Variants in DACH2 observed in about 807,000 individuals in gnomAD.
DACH2 encodes dachshund homolog 2.
In DACH2, 17 loss-of-function variants were observed where a neutral mutation model predicts 35.8. The ratio of observed to expected loss-of-function variants is 0.48; its 90% CI spans 0.33 to 0.71. The LOEUF is 0.71. Among genes scored for constraint, DACH2 ranks in the 30% least tolerant of loss-of-function variants. The pLI, the probability that DACH2 is intolerant of heterozygous loss-of-function variation, is 0.02. For synonymous variants in DACH2, 195 were observed against 177.3 expected (o/e 1.10, Z -0.79); for missense variants, 469 against 472.7 (o/e 0.99, Z 0.07).
chrX:86,158,832 T>A (rs749000337), intron 1 of DACH2, among the ~76,000 whole-genome samples: 1 of 110,029 alleles, frequency 9.1e-6, no homozygotes, highest in Non-Finnish European at 1.9e-5. Context: ...AACATTAGAC[T>A]TTTTTCAGTC....
intron 1 of DACH2, among the ~76,000 whole-genome samples, chrX:86,168,932 C>T (rs776497582): frequency 9.0e-6 from 1 of 111,590 alleles, no homozygotes; most frequent in Admixed American, 9.5e-5. Flanking sequence ...GTAGTTTACA[C>T]ACCACATTTA....
chrX:86,724,838 G>A (rs928656275), intron 6 of DACH2, among the ~76,000 whole-genome samples: 5 of 110,353 alleles, frequency 4.5e-5, no homozygotes, highest in Admixed American at 1.9e-4. Flanking sequence ...AAGTTTGGTT[G>A]CTTTATGTAC....
At chrX:86,531,971 T>C (rs912737422) in intron 3 of DACH2, among the ~76,000 whole-genome samples, 1 of 112,842 alleles carries the variant, frequency 8.9e-6, no homozygotes, top group Non-Finnish European at 1.9e-5. Context: ...AGACATGGAG[T>C]CAAAGGAGAA....
rs771802786 is a variant in DACH2 at position 86,514,330 on chromosome X, T to C, written c.579T>C (p.Asn193=). The change falls in exon 3 of 12, where the codon AAT becomes AAC. Residue 193 remains asparagine (N), a synonymous_variant. Transcript: ENST00000373125. ...PKRSLGVLQE[N]ARLLTHAVPG... Reference sequence around the variant, plus strand: ...GTTCTTTGGGAGTGTTGCAGGAAAATGCCCGCCTTCTGACCCATGCAGTCC... The same window carrying C: ...GTTCTTTGGGAGTGTTGCAGGAAAACGCCCGCCTTCTGACCCATGCAGTCC... 5.8e-6 allele frequency: 7 copies of C among 1,211,254 alleles called. No homozygotes were observed. In the Admixed American group the frequency reaches 1.5e-4, roughly 26 times the overall value.
chrX:86,532,144 T>A (rs1377608837), intron 3 of DACH2, among the ~76,000 whole-genome samples: 1 of 112,476 alleles, frequency 8.9e-6, no homozygotes, highest in Non-Finnish European at 1.9e-5. Flanking sequence ...TGTTTTGATT[T>A]TACAGGCTTA....
intron 4 of DACH2, among the ~76,000 whole-genome samples, chrX:86,685,297 C>T (rs958672820): frequency 1.1e-4 from 12 of 111,966 alleles, no homozygotes; most frequent in African/African-American, 3.9e-4. Flanking sequence ...GCTGAAAACT[C>T]CTACTCTTTT....
At chrX:86,479,099 A>G (rs2037895221) in intron 2 of DACH2, among the ~76,000 whole-genome samples, 1 of 109,840 alleles carries the variant, frequency 9.1e-6, no homozygotes, top group African/African-American at 3.3e-5. Context: ...CAGCAGCTGG[A>G]CTCTCCTCTG....
In DACH2 at chrX:86,158,201, C is replaced by T. The variant is rs945141172; in HGVS notation, c.488+9093C>T. ...AGATGGGATGCATTATGATATGGTT[C>T]CCCTTTTGGGTTCAATCCAAGGAAG... On this transcript the variant is annotated intron_variant, in intron 1 of 11. Coordinates refer to ENST00000373125, the MANE Select transcript of DACH2 (RefSeq NM_053281.3). 1.3e-4 allele frequency among the ~76,000 whole-genome samples: 15 copies of T among 111,665 alleles called. 1 individual carries two copies. Among genetic ancestry groups the T allele is most frequent in the Admixed American group, 1.3e-3 (14 of 10,489 alleles).
intron 1 of DACH2, among the ~76,000 whole-genome samples, chrX:86,164,197 C>A (rs767909001): frequency 9.0e-6 from 1 of 111,493 alleles, no homozygotes; most frequent in Non-Finnish European, 1.9e-5. Flanking sequence ...TGATATTGAG[C>A]TTTTTTCATA....
chrX:86,228,854 T>G (rs1415314322), intron 1 of DACH2, among the ~76,000 whole-genome samples: 1 of 111,719 alleles, frequency 9.0e-6, no homozygotes, highest in Non-Finnish European at 1.9e-5. Context: ...AGTTGTAGAT[T>G]CTGGATATTA....
chrX:86,162,481 T>G (rs2030798528), intron 1 of DACH2, among the ~76,000 whole-genome samples: 1 of 111,496 alleles, frequency 9.0e-6, no homozygotes, highest in Admixed American at 9.6e-5. Flanking sequence ...GATAGAGGCA[T>G]ATCCATAGAG....
intron 1 of DACH2, among the ~76,000 whole-genome samples, chrX:86,336,409 C>A (rs1357593963): frequency 8.9e-6 from 1 of 112,015 alleles, no homozygotes; most frequent in Non-Finnish European, 1.9e-5. Context: ...AGGCAGCAAT[C>A]TTTGCTGTTC....
intron 6 of DACH2, among the ~76,000 whole-genome samples, chrX:86,715,026 G>A (rs939924074): frequency 6.3e-5 from 7 of 111,654 alleles, no homozygotes; most frequent in African/African-American, 2.3e-4. Context: ...CATTCCCATA[G>A]CTGGGGTGAA....
intron 2 of DACH2, among the ~76,000 whole-genome samples, chrX:86,475,109 T>C (rs1424936311): frequency 8.9e-6 from 1 of 111,890 alleles, no homozygotes; most frequent in Non-Finnish European, 1.9e-5. Context: ...AGTCAGGTAA[T>C]GTAATTCCTC....
intron 3 of DACH2, among the ~76,000 whole-genome samples, chrX:86,573,078 T>C (rs754851344): frequency 6.4e-5 from 7 of 109,217 alleles, no homozygotes; most frequent in Non-Finnish European, 1.3e-4. Flanking sequence ...GCCCAGTACA[T>C]AGAAAATGCT....
chrX:86,198,112 A>T (rs2032042870), intron 1 of DACH2, among the ~76,000 whole-genome samples: 1 of 111,962 alleles, frequency 8.9e-6, no homozygotes, highest in South Asian at 3.7e-4. Flanking sequence ...TAAGAAATTC[A>T]CTCAAAACCA....
At chrX:86,279,379 C>G (rs1192722911) in intron 1 of DACH2, among the ~76,000 whole-genome samples, 1 of 112,017 alleles carries the variant, frequency 8.9e-6, no homozygotes, top group Non-Finnish European at 1.9e-5. Context: ...GCAGCCACCA[C>G]TGGTAATACC....
At chrX:86,357,780 G>T (rs758084206) in intron 1 of DACH2, among the ~76,000 whole-genome samples, 8 of 112,191 alleles carry the variant, frequency 7.1e-5, no homozygotes, top group Non-Finnish European at 1.5e-4. Context: ...TGATCAAATG[G>T]AGTGAACTGA....
intron 7 of DACH2, among the ~76,000 whole-genome samples, chrX:86,756,469 C>A (rs1428509203): frequency 2.0e-5 from 2 of 98,025 alleles, no homozygotes; most frequent in African/African-American, 7.9e-5. Context: ...AAATTTACTC[C>A]TAGGTTTTTT....
Sources: gnomAD v4.1 joint callset for allele counts (sites outside exome capture counted in the v4.1 genomes callset) on GRCh38, gnomAD v4.1.1 for gene constraint, MANE v1.5 for transcripts, NCBI Gene and HGNC (gene_info 2026-07-23, HGNC 2026-07-21) for gene names.